Variants in SCGB2B2 observed in about 807,000 individuals in gnomAD.
SCGB2B2 encodes the protein secretoglobin-like protein.
Under a neutral mutation model 7.6 loss-of-function variants are expected in SCGB2B2, and 11 were observed. The ratio of observed to expected loss-of-function variants is 1.45; its 90% CI spans 0.91 to 2.40. The LOEUF is 2.40. Ranked by LOEUF, SCGB2B2 falls within the 30% of genes most tolerant of loss-of-function variation. SCGB2B2 has a pLI of 0.00. For missense variants in SCGB2B2, 104 were observed against 115.4 expected, an observed-to-expected ratio of 0.90 and a Z score of 0.45; for synonymous variants, 50 against 48.6, an observed-to-expected ratio of 1.03 and a Z score of -0.12.
At chr19:34,658,558 T>C (rs1027152373) in intron 1 of SCGB2B2, among the ~76,000 whole-genome samples, 8 of 152,160 alleles carry the variant, frequency 5.3e-5, no homozygotes, top group South Asian at 2.1e-4. Context: ...CAGGAAGAAG[T>C]TGAATCTCTG....
At chr19:34,617,381 T>C (rs1190094514) in intron 1 of SCGB2B2, among the ~76,000 whole-genome samples, 5 of 151,734 alleles carry the variant, frequency 3.3e-5, no homozygotes, top group Admixed American at 2.0e-4. Context: ...TTTGTAGTTC[T>C]CCTTAAAGAG....
At chr19:34,674,636 G>T (rs983610717) in intron 1 of SCGB2B2, among the ~76,000 whole-genome samples, 1 of 152,174 alleles carries the variant, frequency 6.6e-6, no homozygotes, top group Non-Finnish European at 1.5e-5. Context: ...AAGACACCTG[G>T]AGGATAGAGG....
intron 1 of SCGB2B2, among the ~76,000 whole-genome samples, chr19:34,612,022 C>CTTTTTTTTT (rs753968261): frequency 2.4e-5 from 1 of 41,766 alleles, no homozygotes; most frequent in Non-Finnish European, 4.0e-5. Flanking sequence ...TTAGAAAATT[C>CTTTTTTTTT]TTTTTTTTTT....
chr19:34,622,299 C>G (rs899586469), intron 1 of SCGB2B2, among the ~76,000 whole-genome samples: 2 of 152,200 alleles, frequency 1.3e-5, no homozygotes, highest in Non-Finnish European at 2.9e-5. Flanking sequence ...AGGGCTGGTG[C>G]TTTAAGCAAG....
chr19:34,603,381 TG>T (rs1352309642), intron 1 of SCGB2B2, among the ~76,000 whole-genome samples: 1 of 152,248 alleles, frequency 6.6e-6, no homozygotes, highest in Non-Finnish European at 1.5e-5. Flanking sequence ...GACAGCTCCA[TG>T]TCCATGTTAA....
At chr19:34,635,090 A>T in intron 1 of SCGB2B2, 1 of 291,236 alleles carries the variant, frequency 3.4e-6, no homozygotes, top group Non-Finnish European at 7.1e-6. Context: ...CATTCACTAC[A>T]CTTATAAGGC....
intron 1 of SCGB2B2, among the ~76,000 whole-genome samples, chr19:34,669,142 G>C (rs1407482275): frequency 6.6e-6 from 1 of 151,992 alleles, no homozygotes; most frequent in Non-Finnish European, 1.5e-5. Context: ...CTCCAGACGC[G>C]CCGCCTTAAG....
At position 34,596,297 on chromosome 19, in the gene SCGB2B2, C is replaced by T. The variant is rs1434377573; in HGVS notation, c.-1734G>A. The T allele has an allele frequency of 6.6e-6, 1 of 152,356 alleles. No homozygotes were observed. The highest frequency in any genetic ancestry group is 1.5e-5 in the Non-Finnish European group (1 of 68,136). 9.4% of individuals were successfully genotyped at this position (152,356 alleles called of 1,614,324 possible). Reference sequence around the variant, plus strand: ...CCACTGCCACTCCCTGGCCGGCCACCTGCTGTGTCGTCCCTGCCACCTGTG... The same window carrying T: ...CCACTGCCACTCCCTGGCCGGCCACTTGCTGTGTCGTCCCTGCCACCTGTG... On this transcript the variant is annotated 5_prime_UTR_variant, in exon 2 of 4. Transcript: ENST00000601241.
intron 1 of SCGB2B2, among the ~76,000 whole-genome samples, chr19:34,668,462 C>G (rs1019730451): frequency 2.0e-5 from 3 of 152,202 alleles, no homozygotes; most frequent in Admixed American, 1.3e-4. Flanking sequence ...GTGCAGCCTC[C>G]GAGACGAGCG....
At chr19:34,666,493 C>T (rs1487262602) in intron 1 of SCGB2B2, among the ~76,000 whole-genome samples, 1 of 152,128 alleles carries the variant, frequency 6.6e-6, no homozygotes, top group Admixed American at 6.5e-5. Flanking sequence ...TGCACAGCCA[C>T]CTAGATCCTG....
chr19:34,650,455 A>G (rs769948877), intron 1 of SCGB2B2, among the ~76,000 whole-genome samples: 2 of 151,194 alleles, frequency 1.3e-5, no homozygotes, highest in Non-Finnish European at 1.5e-5. Context: ...ATTTTTCCTC[A>G]TAACAGTAGA....
Position 34,602,156 on chromosome 19 carries a change from AGAT to A in SCGB2B2, c.-2031-5565_-2031-5563del, listed in dbSNP as rs1220056913. ...TAAGAGCATTTTTTTAAAAAAGGAA[AGAT>A]GATGAATTTTAGAACACATCTTATT... is the stretch of plus-strand genomic sequence containing the variant. On this transcript the variant is annotated intron_variant, in intron 1 of 3. Coordinates refer to ENST00000601241, the MANE Select transcript of SCGB2B2 (RefSeq NM_001025591.4). Among the ~76,000 whole-genome samples the A allele has an allele frequency of 2.0e-5, 3 of 152,212 alleles. 1 individual carries two copies. The highest frequency in any genetic ancestry group is 1.3e-4 in the Admixed American group (2 of 15,278).
chr19:34,652,981 G>GA (rs368178470), intron 1 of SCGB2B2, among the ~76,000 whole-genome samples: 2 of 150,888 alleles, frequency 1.3e-5, no homozygotes, highest in South Asian at 2.1e-4. Context: ...GTGAACAGAT[G>GA]AAAAAAAATG....
intron 1 of SCGB2B2, among the ~76,000 whole-genome samples, chr19:34,627,386 T>C (rs925104464): frequency 1.2e-4 from 19 of 152,078 alleles, no homozygotes; most frequent in African/African-American, 3.6e-4. Flanking sequence ...GAGACACACA[T>C]AGTCTCAAAA....
chr19:34,658,434 A>C (rs2067343854), intron 1 of SCGB2B2, among the ~76,000 whole-genome samples: 1 of 152,206 alleles, frequency 6.6e-6, no homozygotes, highest in Non-Finnish European at 1.5e-5. Flanking sequence ...CACTGATCCC[A>C]CAGAAATATA....
At chr19:34,632,236 T>C (rs28886296) in intron 1 of SCGB2B2, among the ~76,000 whole-genome samples, 17,179 of 152,218 alleles carry the variant, frequency 0.11, 1,065 homozygotes, top group South Asian at 0.19. Flanking sequence ...ACCAAAAATA[T>C]GTTCAATCAA....
chr19:34,656,187 G>A (rs1366734602), intron 1 of SCGB2B2, among the ~76,000 whole-genome samples: 1 of 151,338 alleles, frequency 6.6e-6, no homozygotes, highest in African/African-American at 2.5e-5. Flanking sequence ...CGCACGGTAG[G>A]TTTCAAATTA....
chr19:34,624,683 A>C (rs998659424), intron 1 of SCGB2B2, among the ~76,000 whole-genome samples: 2 of 152,220 alleles, frequency 1.3e-5, no homozygotes, highest in East Asian at 3.8e-4. Flanking sequence ...GGTAACACCA[A>C]GGTGCAGCCT....
intron 1 of SCGB2B2, among the ~76,000 whole-genome samples, chr19:34,609,427 TTTC>T (rs1449055771): frequency 2.6e-5 from 4 of 152,144 alleles, no homozygotes; most frequent in Non-Finnish European, 5.9e-5. Context: ...TTCTTCATAT[TTTC>T]TTCTAGTAGT....
Sources: gnomAD v4.1 joint callset for allele counts (sites outside exome capture counted in the v4.1 genomes callset) on GRCh38, gnomAD v4.1.1 for gene constraint, MANE v1.5 for transcripts, NCBI Gene and HGNC (gene_info 2026-07-23, HGNC 2026-07-21) for gene names.